KCTD16: variants seen among roughly 807,000 people sequenced by gnomAD.
KCTD16 encodes potassium channel tetramerization domain containing 16.
Under a neutral mutation model 33.2 loss-of-function variants are expected in KCTD16, and 13 were observed. The ratio of observed to expected loss-of-function variants is 0.39; its 90% CI spans 0.25 to 0.62. The LOEUF (loss-of-function observed/expected upper bound fraction) is 0.62. Among genes scored for constraint, KCTD16 ranks in the 20% least tolerant of loss-of-function variants. KCTD16 has a pLI of 0.50. For synonymous variants in KCTD16, 197 were observed against 195.3 expected (o/e 1.01, Z -0.07); for missense variants, 441 against 525.1 (o/e 0.84, Z 1.57).
At chr5:144,392,112 G>A (rs1752462697) in intron 3 of KCTD16, among the ~76,000 whole-genome samples, 2 of 152,238 alleles carry the variant, frequency 1.3e-5, no homozygotes, top group Admixed American at 6.5e-5. Flanking sequence ...TAGTTGCCAT[G>A]AAGGAAACAA....
chr5:144,257,705 T>G (rs1754890295), intron 3 of KCTD16, among the ~76,000 whole-genome samples: 1 of 152,150 alleles, frequency 6.6e-6, no homozygotes, highest in Non-Finnish European at 1.5e-5. Context: ...GCCAGGATGG[T>G]CTCGATCTCC....
intron 3 of KCTD16, among the ~76,000 whole-genome samples, chr5:144,236,819 A>T (rs1278544588): frequency 6.6e-6 from 1 of 152,072 alleles, no homozygotes; most frequent in Non-Finnish European, 1.5e-5. Context: ...TGGTTTGGGA[A>T]ACTTAAACTT....
chr5:144,374,004 T>A (rs1056586032), intron 3 of KCTD16, among the ~76,000 whole-genome samples: 9 of 152,214 alleles, frequency 5.9e-5, no homozygotes, highest in Non-Finnish European at 8.8e-5. Context: ...AAGTTCTCCC[T>A]TATATGAACC....
At chr5:144,369,168 G>A (rs1751907071) in intron 3 of KCTD16, among the ~76,000 whole-genome samples, 1 of 152,076 alleles carries the variant, frequency 6.6e-6, no homozygotes, top group South Asian at 2.1e-4. Context: ...GACCGATTTA[G>A]CCTCAGTCAG....
rs139876739 is a variant in KCTD16 at position 144,312,807 on chromosome 5, G to A, written c.832+105261G>A. Among the ~76,000 whole-genome samples, 85 of 152,324 alleles carry A rather than the reference G, an allele frequency of 5.6e-4. 1 individual carries two copies. Among genetic ancestry groups the A allele is most frequent in the African/African-American group, 1.7e-3 (71 of 41,582 alleles). ...TCCCTCGCACTTCTCATGGTATTTG[G>A]AATGGTGTTGAAACTCCCTGTAAAA... On this transcript the variant is annotated intron_variant, in intron 3 of 3. Coordinates refer to ENST00000512467, the MANE Select transcript of KCTD16 (RefSeq NM_020768.4).
rs76449078 is a variant in KCTD16, at chr5:144,457,324, G to A, written c.833-16336G>A. Among the ~76,000 whole-genome samples, 54 of 152,324 alleles carry A rather than the reference G, an allele frequency of 3.5e-4. No individual in the cohort carries two copies. The East Asian group carries it at 0.01, about 28-fold the overall frequency. On this transcript the variant is annotated intron_variant, in intron 3 of 3. Coordinates refer to ENST00000512467, the MANE Select transcript of KCTD16 (RefSeq NM_020768.4). ...TTTACAAAGCAATGCTGTATCGCAA[G>A]AGAGATGTGCCCCACGTGAATGGGA...
chr5:144,350,698 G>C (rs963922901), intron 3 of KCTD16, among the ~76,000 whole-genome samples: 1 of 151,808 alleles, frequency 6.6e-6, no homozygotes, highest in Non-Finnish European at 1.5e-5. Flanking sequence ...ACTTTTTTTC[G>C]CAGCATCAGG....
At chr5:144,332,713 TA>T (rs1752389304) in intron 3 of KCTD16, among the ~76,000 whole-genome samples, 1 of 152,172 alleles carries the variant, frequency 6.6e-6, no homozygotes, top group Non-Finnish European at 1.5e-5. Flanking sequence ...GGAGGGGCAC[TA>T]AAAATACTAA....
intron 3 of KCTD16, among the ~76,000 whole-genome samples, chr5:144,307,431 C>T (rs1189197567): frequency 6.6e-6 from 1 of 152,178 alleles, no homozygotes; most frequent in Non-Finnish European, 1.5e-5. Context: ...CCACCCTCAG[C>T]ACCCATCTAG....
At chr5:144,342,624 G>A (rs1260497615) in intron 3 of KCTD16, among the ~76,000 whole-genome samples, 1 of 152,136 alleles carries the variant, frequency 6.6e-6, no homozygotes, top group Non-Finnish European at 1.5e-5. Flanking sequence ...TGTTGAATCG[G>A]AGTGGTGAGA....
At chr5:144,344,574 C>G (rs1209315097) in intron 3 of KCTD16, among the ~76,000 whole-genome samples, 1 of 151,450 alleles carries the variant, frequency 6.6e-6, no homozygotes, top group Admixed American at 6.6e-5. Context: ...CAAAAGAAGA[C>G]ATTTATGCAG....
At chr5:144,444,490 A>G (rs1178883521) in intron 3 of KCTD16, among the ~76,000 whole-genome samples, 2 of 152,112 alleles carry the variant, frequency 1.3e-5, no homozygotes, top group African/African-American at 4.8e-5. Flanking sequence ...CAAATTGTAT[A>G]TGTTAAAGAT....
intron 3 of KCTD16, among the ~76,000 whole-genome samples, chr5:144,331,724 A>T (rs1229431611): frequency 6.6e-6 from 1 of 152,152 alleles, no homozygotes; most frequent in Admixed American, 6.5e-5. Flanking sequence ...ATATCCTAGG[A>T]AGACTCTCTA....
chr5:144,445,257 T>C (rs1580970819), intron 3 of KCTD16, among the ~76,000 whole-genome samples: 1 of 152,024 alleles, frequency 6.6e-6, no homozygotes. Flanking sequence ...TTTATCCTTT[T>C]ACTTATAATT....
At chr5:144,304,538 A>G (rs992844143) in intron 3 of KCTD16, among the ~76,000 whole-genome samples, 4 of 152,222 alleles carry the variant, frequency 2.6e-5, no homozygotes, top group Non-Finnish European at 5.9e-5. Context: ...CGCTTCACAG[A>G]CAGGTTGCAT....
chr5:144,173,875 C>T (rs999240111), intron 1 of KCTD16, among the ~76,000 whole-genome samples: 4 of 149,988 alleles, frequency 2.7e-5, no homozygotes, highest in African/African-American at 2.4e-5. Context: ...AATTTCATGG[C>T]TAGTCACGTA....
At chr5:144,391,760 G>A (rs1348860375) in intron 3 of KCTD16, among the ~76,000 whole-genome samples, 1 of 152,178 alleles carries the variant, frequency 6.6e-6, no homozygotes, top group Non-Finnish European at 1.5e-5. Flanking sequence ...GTAAACAAAG[G>A]CATAAAGACG....
At chr5:144,226,981 A>G (rs1753951743) in intron 3 of KCTD16, among the ~76,000 whole-genome samples, 1 of 152,192 alleles carries the variant, frequency 6.6e-6, no homozygotes, top group Non-Finnish European at 1.5e-5. Flanking sequence ...AACTATTTTT[A>G]TTAAACAGCT....
intron 3 of KCTD16, among the ~76,000 whole-genome samples, chr5:144,215,934 A>G (rs191886730): frequency 3.9e-5 from 6 of 152,356 alleles, no homozygotes; most frequent in African/African-American, 1.4e-4. Flanking sequence ...ATCTGAGATA[A>G]ACCCCTTAAA....
Sources: gnomAD v4.1 joint callset for allele counts (sites outside exome capture counted in the v4.1 genomes callset) on GRCh38, gnomAD v4.1.1 for gene constraint, MANE v1.5 for transcripts, NCBI Gene and HGNC (gene_info 2026-07-23, HGNC 2026-07-21) for gene names.